The following SMARCA1 variants were observed in gnomAD, a reference collection of about 807,000 sequenced individuals.
SMARCA1 encodes SNF2 related chromatin remodeling ATPase 1.
Under a neutral mutation model 93.6 loss-of-function variants are expected in SMARCA1, and 17 were observed. That is an observed-to-expected ratio of 0.18 (90% CI 0.12 to 0.27). The LOEUF (loss-of-function observed/expected upper bound fraction) is 0.27, where lower values mean the gene tolerates loss of function less well. Among genes scored for constraint, SMARCA1 ranks in the 10% least tolerant of loss-of-function variants. The pLI, the probability that SMARCA1 is intolerant of heterozygous loss-of-function variation, is 1.00. For synonymous variants in SMARCA1, 271 were observed against 271.4 expected, an observed-to-expected ratio of 1.00 and a Z score of 0.01; for missense variants, 630 against 819.0, an observed-to-expected ratio of 0.77 and a Z score of 2.82.
At chrX:129,473,035 G>A (rs1007887449) in intron 19 of SMARCA1, among the ~76,000 whole-genome samples, 1 of 111,560 alleles carries the variant, frequency 9.0e-6, no homozygotes, top group African/African-American at 3.3e-5. Context: ...TTCTAGGCTA[G>A]GGGTATGAGC....
intron 23 of SMARCA1, among the ~76,000 whole-genome samples, chrX:129,459,465 C>T (rs980606873): frequency 1.8e-5 from 2 of 112,184 alleles, no homozygotes; most frequent in African/African-American, 6.5e-5. Context: ...CACAAGATAA[C>T]GCATAAGAAT....
chrX:129,505,100 T>G (rs1263753364), intron 8 of SMARCA1, among the ~76,000 whole-genome samples: 1 of 111,567 alleles, frequency 9.0e-6, no homozygotes, highest in Non-Finnish European at 1.9e-5. Context: ...GAATATAAAA[T>G]CAAAGACATA....
At chrX:129,497,750 C>T (rs766912180) in intron 11 of SMARCA1, 95 bp downstream of exon 11, 1 of 546,347 alleles carries the variant, frequency 1.8e-6, no homozygotes, top group South Asian at 3.2e-5. Flanking sequence ...ACAATGTCTG[C>T]TGAATAAGTG....
intron 23 of SMARCA1, among the ~76,000 whole-genome samples, chrX:129,464,642 C>T (rs950092763): frequency 8.9e-6 from 1 of 112,336 alleles, no homozygotes; most frequent in Non-Finnish European, 1.9e-5. Context: ...TAGGCAACAA[C>T]TCCTTTTCAT....
At chrX:129,512,132 T>G (rs921884038) in intron 5 of SMARCA1, 149 bp from the exon 6 acceptor site, 26 of 445,153 alleles carry the variant, frequency 5.8e-5, no homozygotes, top group Non-Finnish European at 1.0e-4. Context: ...ACCAAATACC[T>G]TTTTTTAAAG....
At chrX:129,518,086 T>C (rs1351545056) in intron 2 of SMARCA1, among the ~76,000 whole-genome samples, 4 of 111,447 alleles carry the variant, frequency 3.6e-5, no homozygotes, top group Non-Finnish European at 1.9e-5. Flanking sequence ...AAGCACTTTA[T>C]TATGGGACAG....
intron 11 of SMARCA1, among the ~76,000 whole-genome samples, chrX:129,497,360 T>A (rs762934752): frequency 1.8e-5 from 2 of 111,384 alleles, no homozygotes; most frequent in South Asian, 7.7e-4. Flanking sequence ...AAGTCCTAAC[T>A]CCTTAAGGCA....
intron 13 of SMARCA1, 57 bp downstream of exon 13, chrX:129,492,983 A>G: frequency 2.3e-6 from 1 of 431,438 alleles, no homozygotes; most frequent in Non-Finnish European, 4.2e-6. Flanking sequence ...AAATTGGTAC[A>G]ACCTTTCTGG....
intron 17 of SMARCA1, among the ~76,000 whole-genome samples, chrX:129,485,417 T>A (rs1933851042): frequency 8.9e-6 from 1 of 112,200 alleles, no homozygotes; most frequent in Non-Finnish European, 1.9e-5. Flanking sequence ...GAAATAAATA[T>A]CTTGTTTTTG....
At chrX:129,476,444 G>A (rs1455240136) in intron 19 of SMARCA1, among the ~76,000 whole-genome samples, 1 of 111,927 alleles carries the variant, frequency 8.9e-6, no homozygotes, top group Non-Finnish European at 1.9e-5. Flanking sequence ...GAAGTACAAG[G>A]AAACCACTCT....
At chrX:129,521,577 C>G (rs1037697522) in intron 1 of SMARCA1, among the ~76,000 whole-genome samples, 5 of 111,252 alleles carry the variant, frequency 4.5e-5, no homozygotes, top group Non-Finnish European at 7.5e-5. Flanking sequence ...CCCGTTTTTT[C>G]ACAATACAAA....
chrX:129,468,000 C>G (rs113723610), intron 21 of SMARCA1, among the ~76,000 whole-genome samples: 1 of 112,575 alleles, frequency 8.9e-6, no homozygotes, highest in South Asian at 3.6e-4. Flanking sequence ...AGAAAACTTG[C>G]TAGACATATT....
intron 23 of SMARCA1, among the ~76,000 whole-genome samples, chrX:129,460,888 GA>G (rs751758562): frequency 4.5e-5 from 5 of 111,989 alleles, no homozygotes; most frequent in Non-Finnish European, 9.4e-5. Flanking sequence ...CAAAAACAGG[GA>G]AGTTAATAAA....
chrX:129,475,452 G>A (rs1186806402), intron 19 of SMARCA1, among the ~76,000 whole-genome samples: 3 of 110,930 alleles, frequency 2.7e-5, no homozygotes, highest in Non-Finnish European at 3.8e-5. Context: ...CCAGGAGATG[G>A]AGGTTGCAGT....
At chrX:129,500,128 A>C (rs1311628551) in intron 9 of SMARCA1, among the ~76,000 whole-genome samples, 1 of 105,740 alleles carries the variant, frequency 9.5e-6, no homozygotes, top group Non-Finnish European at 1.9e-5. Flanking sequence ...ACCCTTAAAA[A>C]AAAAAAAAAA....
intron 23 of SMARCA1, among the ~76,000 whole-genome samples, chrX:129,451,816 G>A (rs1226793480): frequency 9.4e-6 from 1 of 106,460 alleles, no homozygotes; most frequent in East Asian, 3.0e-4. Context: ...CCATTCTCCT[G>A]CCTCAGCCTC....
chrX:129,478,279 C>T (rs1169056278), intron 19 of SMARCA1, among the ~76,000 whole-genome samples: 1 of 112,072 alleles, frequency 8.9e-6, no homozygotes, highest in Non-Finnish European at 1.9e-5. Flanking sequence ...TTGTCTTATT[C>T]ACTGCTTTAT....
chrX:129,523,044 C>G (rs1935466541), intron 1 of SMARCA1, among the ~76,000 whole-genome samples, 153 bp downstream of exon 1: 3 of 112,014 alleles, frequency 2.7e-5, no homozygotes, highest in South Asian at 3.7e-4. Context: ...GGAGCGAACG[C>G]CAGGCGGTTC....
At chrX:129,462,116 T>C (rs1204006282) in intron 23 of SMARCA1, among the ~76,000 whole-genome samples, 1 of 112,072 alleles carries the variant, frequency 8.9e-6, no homozygotes, top group Admixed American at 9.5e-5. Flanking sequence ...TTTTATAAGA[T>C]GCATTTCACA....
Sources: allele counts gnomAD v4.1 joint callset (sites outside exome capture counted in the v4.1 genomes callset), GRCh38; gene constraint gnomAD v4.1.1; transcripts MANE v1.5; gene names NCBI Gene and HGNC (gene_info 2026-07-23, HGNC 2026-07-21).